LRMDA: variants seen among roughly 807,000 people sequenced by gnomAD.
LRMDA encodes leucine-rich melanocyte differentiation-associated protein.
LRMDA carries 18 observed loss-of-function variants against 29.8 expected under a neutral mutation model. That is an observed-to-expected ratio of 0.60 (90% CI 0.42 to 0.90). The LOEUF (loss-of-function observed/expected upper bound fraction) is 0.90, where lower values mean the gene tolerates loss of function less well. Among genes scored for constraint, LRMDA ranks in the 40% least tolerant of loss-of-function variants. The pLI is 0.00. For missense variants in LRMDA, 273 were observed against 273.9 expected (o/e 1.00, Z 0.02); for synonymous variants, 125 against 109.4 (o/e 1.14, Z -0.89).
At position 75,552,698 on chromosome 10, in the gene LRMDA, G is replaced by C. The variant is rs555715421; in HGVS notation, c.131+114204G>C. ...CCTTTTCTCTCTCTCCTACTTTTGG[G>C]ATTCAAAATATATGTTATACTGTTT... On this transcript the variant is annotated intron_variant, in intron 2 of 6. Coordinates refer to ENST00000611255, the MANE Select transcript of LRMDA (RefSeq NM_001305581.2). 1.6e-5 allele frequency: 5 copies of C among 316,282 alleles called. No individual in the cohort carries two copies. The East Asian group carries it at 3.8e-4, about 24-fold the overall frequency. The allele number at this position is 316,282 out of a possible 1,614,324, so 19.6% of individuals were successfully genotyped here. A position where few individuals can be genotyped will look rare whatever the true frequency, so the allele number is the denominator to read the frequency against.
chr10:75,782,973 T>A, intron 2 of LRMDA: 1 of 1,614,016 alleles, frequency 6.2e-7, no homozygotes, highest in Non-Finnish European at 8.5e-7. Flanking sequence ...TGCCTTGAAA[T>A]GAATGGAAAA....
At chr10:76,106,096 G>T (rs890408691) in intron 5 of LRMDA, among the ~76,000 whole-genome samples, 2 of 152,164 alleles carry the variant, frequency 1.3e-5, no homozygotes, top group Non-Finnish European at 2.9e-5. Flanking sequence ...TGTTATAGCA[G>T]CCCCAGGAAA....
At chr10:76,102,773 C>T (rs1044653416) in intron 5 of LRMDA, among the ~76,000 whole-genome samples, 2 of 152,294 alleles carry the variant, frequency 1.3e-5, no homozygotes, top group South Asian at 4.1e-4. Flanking sequence ...CCACCTCAGC[C>T]TCCTGTGTAG....
intron 2 of LRMDA, among the ~76,000 whole-genome samples, chr10:75,819,453 A>T (rs1229469496): frequency 1.3e-5 from 2 of 152,202 alleles, no homozygotes; most frequent in African/African-American, 4.8e-5. Flanking sequence ...AGCAATGAAA[A>T]TATTTCTTTT....
intron 2 of LRMDA, among the ~76,000 whole-genome samples, chr10:75,820,971 A>G (rs1393869847): frequency 6.6e-6 from 1 of 152,198 alleles, no homozygotes; most frequent in African/African-American, 2.4e-5. Flanking sequence ...AGAAATAGAA[A>G]TCCTGAACAG....
chr10:75,896,673 A>C (rs1230859408), intron 2 of LRMDA, among the ~76,000 whole-genome samples: 1 of 152,254 alleles, frequency 6.6e-6, no homozygotes, highest in Non-Finnish European at 1.5e-5. Flanking sequence ...CATAAAGGGC[A>C]CAGCACATAG....
chr10:76,333,141 C>T (rs1041105379), intron 6 of LRMDA, among the ~76,000 whole-genome samples: 1 of 152,088 alleles, frequency 6.6e-6, no homozygotes, highest in Non-Finnish European at 1.5e-5. Context: ...AGATAAAGCA[C>T]AAGGACAAGA....
At chr10:75,835,674 A>C (rs1481420068) in intron 2 of LRMDA, among the ~76,000 whole-genome samples, 1 of 152,234 alleles carries the variant, frequency 6.6e-6, no homozygotes, top group African/African-American at 2.4e-5. Flanking sequence ...TATGCCTTAG[A>C]TCAAGCCATT....
Position 75,934,358 on chromosome 10 carries a change from A to G in LRMDA, c.132-101650A>G, listed in dbSNP as rs553236857. ...TATGCCTTAGAATTATTGTCATTCC[A>G]TGTTTTATTTTTGCCTTGGGTGTCT... On this transcript the variant is annotated intron_variant, in intron 2 of 6. Transcript: ENST00000611255. 3.1e-3 allele frequency among the ~76,000 whole-genome samples: 476 copies of G among 152,174 alleles called. 3 individuals are homozygous for G. Among genetic ancestry groups the G allele is most frequent in the Non-Finnish European group, 5.7e-3 (388 of 67,996 alleles).
intron 5 of LRMDA, among the ~76,000 whole-genome samples, chr10:76,288,691 C>T (rs1923617): frequency 0.51 from 76,778 of 151,950 alleles, 19,685 homozygotes; most frequent in African/African-American, 0.59. Context: ...AGTACTACTA[C>T]AATTCTTTTT....
At chr10:75,669,386 T>C (rs1053984582) in intron 2 of LRMDA, among the ~76,000 whole-genome samples, 8 of 152,218 alleles carry the variant, frequency 5.3e-5, no homozygotes, top group African/African-American at 1.9e-4. Flanking sequence ...TCCTTTAACC[T>C]GAGCCTGTTG....
In LRMDA at chr10:75,871,732, C is replaced by A. The variant is rs542526441; in HGVS notation, c.132-164276C>A. Among the ~76,000 whole-genome samples the A allele has an allele frequency of 5.3e-5, 8 of 152,290 alleles. No individual in the cohort carries two copies. In the South Asian group the frequency reaches 1.7e-3, roughly 32 times the overall value. ...AGTGGCTTCACAAGCTCCCCAATAT[C>A]GGACTGATTGTGTTTTAAAATCCTA... On this transcript the variant is annotated intron_variant, in intron 2 of 6. Transcript: ENST00000611255.
At chr10:75,858,333 C>T (rs943286828) in intron 2 of LRMDA, among the ~76,000 whole-genome samples, 2 of 152,186 alleles carry the variant, frequency 1.3e-5, no homozygotes, top group African/African-American at 2.4e-5. Flanking sequence ...CATATGTGCT[C>T]ATGTCTGCTC....
chr10:76,529,368 A>G (rs1014194830), intron 6 of LRMDA, among the ~76,000 whole-genome samples: 1 of 152,178 alleles, frequency 6.6e-6, no homozygotes, highest in Non-Finnish European at 1.5e-5. Flanking sequence ...TGCTATTAAT[A>G]GTCACTGCTG....
intron 6 of LRMDA, among the ~76,000 whole-genome samples, chr10:76,457,223 C>T (rs949173818): frequency 3.9e-5 from 6 of 152,250 alleles, no homozygotes; most frequent in South Asian, 2.1e-4. Flanking sequence ...TTCTTTTCTC[C>T]GCGTCAGCCA....
At chr10:76,338,996 A>G (rs1289158355) in intron 6 of LRMDA, among the ~76,000 whole-genome samples, 2 of 152,238 alleles carry the variant, frequency 1.3e-5, no homozygotes, top group East Asian at 3.8e-4. Context: ...TAGAAATACC[A>G]GAAAAAACTA....
intron 2 of LRMDA, among the ~76,000 whole-genome samples, chr10:75,872,218 T>C (rs1017111989): frequency 6.6e-6 from 1 of 152,200 alleles, no homozygotes; most frequent in Non-Finnish European, 1.5e-5. Flanking sequence ...TTAATAAATG[T>C]TGGTTGAAAG....
At chr10:75,546,509 G>T (rs1157610582) in intron 2 of LRMDA, among the ~76,000 whole-genome samples, 4 of 152,188 alleles carry the variant, frequency 2.6e-5, no homozygotes, top group African/African-American at 9.6e-5. Context: ...GTTATTTCTA[G>T]TGTTGGGATC....
At chr10:76,279,821 A>G (rs1840180930) in intron 5 of LRMDA, among the ~76,000 whole-genome samples, 1 of 152,148 alleles carries the variant, frequency 6.6e-6, no homozygotes, top group Non-Finnish European at 1.5e-5. Context: ...AAAATGTTAC[A>G]TGTGTTGTCT....
Sources: allele counts gnomAD v4.1 joint callset (sites outside exome capture counted in the v4.1 genomes callset), GRCh38; gene constraint gnomAD v4.1.1; transcripts MANE v1.5; gene names NCBI Gene and HGNC (gene_info 2026-07-23, HGNC 2026-07-21).